TRDN: variants seen among roughly 807,000 people sequenced by gnomAD.
The protein encoded by TRDN is triadin in skeletal muscle.
In TRDN, 161 loss-of-function variants were observed where a neutral mutation model predicts 149.7. The observed-to-expected ratio is 1.08, with a 90% CI of 0.95 to 1.23. The LOEUF (loss-of-function observed/expected upper bound fraction) is 1.23, where lower values mean the gene tolerates loss of function less well. Ranked by LOEUF, TRDN falls within the 50% of genes most tolerant of loss-of-function variation. The pLI is 0.00. For synonymous variants in TRDN, 294 were observed against 250.5 expected (o/e 1.17, Z -1.64); for missense variants, 896 against 823.5 (o/e 1.09, Z -1.08).
intron 1 of TRDN, among the ~76,000 whole-genome samples, chr6:123,623,895 T>C (rs1466966594): frequency 2.0e-5 from 3 of 152,138 alleles, no homozygotes; most frequent in South Asian, 2.1e-4. Context: ...AATAGCTTTA[T>C]ACATGTAAAC....
chr6:123,311,779 A>G (rs35885749), intron 24 of TRDN, among the ~76,000 whole-genome samples: 22,642 of 151,914 alleles, frequency 0.15, 1,808 homozygotes, highest in South Asian at 0.22. Flanking sequence ...CATGAAAGCC[A>G]TCAAGCTTGA....
At chr6:123,518,379 T>C (rs925152984) in intron 5 of TRDN, among the ~76,000 whole-genome samples, 6 of 152,162 alleles carry the variant, frequency 3.9e-5, no homozygotes, top group African/African-American at 1.4e-4. Context: ...AGAGAAAATC[T>C]TGGCAAAAAC....
chr6:123,223,784 C>G (rs549091615), intron 39 of TRDN, among the ~76,000 whole-genome samples: 62 of 149,592 alleles, frequency 4.1e-4, no homozygotes, highest in African/African-American at 1.5e-3. Context: ...TTAATAAAAT[C>G]ATGGCATTCT....
chr6:123,498,841 T>C (rs1778560392), intron 8 of TRDN, among the ~76,000 whole-genome samples: 1 of 152,188 alleles, frequency 6.6e-6, no homozygotes, highest in African/African-American at 2.4e-5. Flanking sequence ...GTATGTTCCC[T>C]TTATTTCAGT....
intron 9 of TRDN, 35 bp from the exon 10 acceptor site, chr6:123,465,018 A>C (rs1176479863): frequency 6.5e-7 from 1 of 1,543,266 alleles, no homozygotes; most frequent in East Asian, 2.4e-5. Flanking sequence ...GGAAAAAAAA[A>C]AGTATTAACA....
At chr6:123,350,735 G>C (rs1406242152) in intron 21 of TRDN, 1 of 891,256 alleles carries the variant, frequency 1.1e-6, no homozygotes, top group African/African-American at 1.8e-5. Flanking sequence ...AAAAATATGA[G>C]GCCATTGTCA....
At chr6:123,583,090 G>A (rs966154500) in intron 1 of TRDN, among the ~76,000 whole-genome samples, 4 of 152,066 alleles carry the variant, frequency 2.6e-5, no homozygotes, top group Non-Finnish European at 5.9e-5. Flanking sequence ...TGCTTAGAGA[G>A]TGCCTAAGGA....
chr6:123,419,144 C>A (rs1773788740), intron 12 of TRDN, among the ~76,000 whole-genome samples: 1 of 151,882 alleles, frequency 6.6e-6, no homozygotes, highest in Non-Finnish European at 1.5e-5. Flanking sequence ...GAAGCCATGT[C>A]TCGGGTAGCT....
At chr6:123,312,787 A>G (rs1778875318) in intron 24 of TRDN, among the ~76,000 whole-genome samples, 2 of 152,002 alleles carry the variant, frequency 1.3e-5, no homozygotes, top group Non-Finnish European at 2.9e-5. Flanking sequence ...CCCTTCACTA[A>G]TATCATTTCC....
intron 12 of TRDN, among the ~76,000 whole-genome samples, chr6:123,433,161 TA>T (rs71726347): frequency 0.034 from 1,325 of 39,262 alleles, 47 homozygotes; most frequent in East Asian, 0.12. Context: ...TATATATATA[TA>T]ATATATATAT....
chr6:123,332,993 A>G (rs914127435), intron 22 of TRDN, among the ~76,000 whole-genome samples: 3 of 152,074 alleles, frequency 2.0e-5, no homozygotes, highest in Non-Finnish European at 4.4e-5. Context: ...CTTTGGTGAC[A>G]AATAAATGCC....
chr6:123,536,126 T>C (rs1292015349), intron 4 of TRDN, among the ~76,000 whole-genome samples: 2 of 152,162 alleles, frequency 1.3e-5, no homozygotes, highest in Non-Finnish European at 2.9e-5. Context: ...TGTAAAACAT[T>C]TAGAGCATCA....
chr6:123,445,316 A>G (rs1368384146), intron 10 of TRDN, among the ~76,000 whole-genome samples: 1 of 150,184 alleles, frequency 6.7e-6, no homozygotes, highest in Non-Finnish European at 1.5e-5. Flanking sequence ...CATTCAGGAC[A>G]TAGGCATGGG....
At chr6:123,321,410 T>C (rs1037174779) in intron 23 of TRDN, among the ~76,000 whole-genome samples, 15 of 152,184 alleles carry the variant, frequency 9.9e-5, no homozygotes, top group Admixed American at 8.5e-4. Context: ...GCAACATTCA[T>C]ACATTTATTC....
At chr6:123,623,690 C>T (rs1376410627) in intron 1 of TRDN, among the ~76,000 whole-genome samples, 2 of 152,080 alleles carry the variant, frequency 1.3e-5, no homozygotes, top group Non-Finnish European at 2.9e-5. Context: ...TTGTTAAAAA[C>T]TTAATTCTTT....
At chr6:123,456,760 T>C in intron 10 of TRDN, 1 of 455,534 alleles carries the variant, frequency 2.2e-6, no homozygotes, top group Non-Finnish European at 4.4e-6. Flanking sequence ...TTCCTTATCC[T>C]TTATTAAATG....
At chr6:123,406,103 C>T (rs1363337829) in intron 12 of TRDN, among the ~76,000 whole-genome samples, 1 of 152,106 alleles carries the variant, frequency 6.6e-6, no homozygotes, top group Admixed American at 6.5e-5. Context: ...CACAAATGCA[C>T]AGATTAAAAT....
At chr6:123,405,672 A>T (rs1262254495) in intron 12 of TRDN, among the ~76,000 whole-genome samples, 1 of 152,212 alleles carries the variant, frequency 6.6e-6, no homozygotes, top group Non-Finnish European at 1.5e-5. Flanking sequence ...CAAAAAGTTT[A>T]GTAATTCTCA....
intron 24 of TRDN, among the ~76,000 whole-genome samples, chr6:123,316,250 G>T (rs1055782547): frequency 2.6e-5 from 4 of 151,850 alleles, no homozygotes; most frequent in African/African-American, 9.7e-5. Flanking sequence ...TCTGCTACCA[G>T]AAAGCAAGGA....
Sources: allele counts gnomAD v4.1 joint callset (sites outside exome capture counted in the v4.1 genomes callset), GRCh38; gene constraint gnomAD v4.1.1; transcripts MANE v1.5; gene names NCBI Gene and HGNC (gene_info 2026-07-23, HGNC 2026-07-21).